EPHA5: variants seen among roughly 807,000 people sequenced by gnomAD.
EPHA5 encodes the protein ephrin type-A receptor 5.
EPHA5 carries 60 observed loss-of-function variants against 105.0 expected under a neutral mutation model. That is an observed-to-expected ratio of 0.57 (90% CI 0.46 to 0.71). EPHA5 has a LOEUF of 0.71. EPHA5 is among the 30% of genes least tolerant of loss of function. EPHA5 has a pLI of 0.00. For synonymous variants in EPHA5, 513 were observed against 449.1 expected (o/e 1.14, Z -1.80); for missense variants, 1,218 against 1,274.7 (o/e 0.96, Z 0.68).
At chr4:65,499,209 T>G (rs1732246612) in intron 3 of EPHA5, among the ~76,000 whole-genome samples, 1 of 151,618 alleles carries the variant, frequency 6.6e-6, no homozygotes, top group African/African-American at 2.4e-5. Flanking sequence ...TATGTCATGG[T>G]ACCCATCTTC....
intron 7 of EPHA5, among the ~76,000 whole-genome samples, chr4:65,408,464 TA>T (rs1233057718): frequency 6.6e-6 from 1 of 152,086 alleles, no homozygotes; most frequent in African/African-American, 2.4e-5. Context: ...TCATCAATTA[TA>T]AAAATTAACA....
intron 5 of EPHA5, among the ~76,000 whole-genome samples, chr4:65,465,390 C>G (rs58848338): frequency 6.7e-6 from 1 of 148,710 alleles, no homozygotes; most frequent in Admixed American, 6.7e-5. Flanking sequence ...CGTGCCATTG[C>G]ACTCCAGCCT....
intron 1 of EPHA5, among the ~76,000 whole-genome samples, chr4:65,649,585 A>C (rs998655545): frequency 7.2e-5 from 11 of 152,166 alleles, no homozygotes; most frequent in Non-Finnish European, 1.3e-4. Context: ...CCATCCAGTA[A>C]ATGTCCTATC....
At chr4:65,527,091 T>C (rs763348268) in intron 3 of EPHA5, among the ~76,000 whole-genome samples, 2 of 152,046 alleles carry the variant, frequency 1.3e-5, no homozygotes, top group Non-Finnish European at 2.9e-5. Context: ...TTGTATATAG[T>C]GCTTAGGACA....
intron 7 of EPHA5, among the ~76,000 whole-genome samples, chr4:65,408,575 A>T (rs1722599186): frequency 6.6e-6 from 1 of 152,158 alleles, no homozygotes; most frequent in African/African-American, 2.4e-5. Flanking sequence ...TGCAGCCAAA[A>T]AACACATGAA....
At chr4:65,657,825 C>T (rs988676931) in intron 1 of EPHA5, among the ~76,000 whole-genome samples, 5 of 146,516 alleles carry the variant, frequency 3.4e-5, no homozygotes, top group African/African-American at 1.0e-4. Flanking sequence ...TATGGAATAG[C>T]GAGCACTGGA....
intron 6 of EPHA5, among the ~76,000 whole-genome samples, chr4:65,419,668 G>T (rs916984692): frequency 6.6e-6 from 1 of 152,116 alleles, no homozygotes; most frequent in African/African-American, 2.4e-5. Context: ...AATCACAGAT[G>T]AATGGGGCGG....
Position 65,566,790 on chromosome 4 carries a change from C to T in EPHA5, c.910+34851G>A, listed in dbSNP as rs76264304. On this transcript the variant is annotated intron_variant, in intron 3 of 16. Transcript: ENST00000613740. ...TGCTAATTATTACATTTTTTTCTCC[C>T]CCAAACTGTAACATCACTAAAGGTC... Among the ~76,000 whole-genome samples the T allele has an allele frequency of 8.2e-3, 1,247 of 151,768 alleles. 16 individuals are homozygous for T. The highest frequency in any genetic ancestry group is 0.029 in the African/African-American group (1,192 of 41,486).
At chr4:65,401,290 C>A (rs925105788) in intron 8 of EPHA5, among the ~76,000 whole-genome samples, 5 of 151,982 alleles carry the variant, frequency 3.3e-5, no homozygotes, top group Non-Finnish European at 5.9e-5. Context: ...AATCTAGGTA[C>A]TGCAGGGTGA....
At position 65,486,801 on chromosome 4, in the gene EPHA5, A is replaced by G. The variant is rs116436617; in HGVS notation, c.1402+3576T>C. Among the ~76,000 whole-genome samples, 278 of 152,366 alleles carry G rather than the reference A, an allele frequency of 1.8e-3. 3 individuals are homozygous for G. The highest frequency in any genetic ancestry group is 6.4e-3 in the African/African-American group (265 of 41,588). On this transcript the variant is annotated intron_variant, in intron 5 of 16. Transcript: ENST00000613740. ...TGAAACCACCTTTGCAGAGATTATA[A>G]CAGTGATATGGCTTGGGCCTGTGTC...
intron 3 of EPHA5, among the ~76,000 whole-genome samples, chr4:65,562,599 G>T (rs1190645729): frequency 6.6e-6 from 1 of 151,970 alleles, no homozygotes; most frequent in Non-Finnish European, 1.5e-5. Flanking sequence ...GAAGACATAT[G>T]GTTCATTATG....
At chr4:65,409,381 T>C (rs564904458) in intron 7 of EPHA5, among the ~76,000 whole-genome samples, 20 of 103,684 alleles carry the variant, frequency 1.9e-4, no homozygotes, top group African/African-American at 6.5e-4. Context: ...AAAAGAGCTT[T>C]GTAAGCCGGA....
At chr4:65,585,002 C>A (rs1741977904) in intron 3 of EPHA5, among the ~76,000 whole-genome samples, 1 of 151,462 alleles carries the variant, frequency 6.6e-6, no homozygotes, top group Non-Finnish European at 1.5e-5. Flanking sequence ...GCAGAGAGAC[C>A]CTGGAAGATA....
chr4:65,325,790 A>G (rs2148781959), intron 16 of EPHA5, among the ~76,000 whole-genome samples: 1 of 151,260 alleles, frequency 6.6e-6, no homozygotes, highest in East Asian at 2.0e-4. Context: ...TGAACCTGTT[A>G]ACATTATAGG....
intron 3 of EPHA5, among the ~76,000 whole-genome samples, chr4:65,520,581 T>C (rs1268211388): frequency 6.6e-6 from 1 of 151,778 alleles, no homozygotes; most frequent in Non-Finnish European, 1.5e-5. Flanking sequence ...ACCATCAGAG[T>C]GAACAGGCAA....
chr4:65,361,731 AAGAC>A (rs1336076297), intron 11 of EPHA5, among the ~76,000 whole-genome samples: 28 of 151,840 alleles, frequency 1.8e-4, no homozygotes, highest in African/African-American at 6.7e-4. Context: ...AATAAAGAGA[AAGAC>A]AGAGATTCTT....
chr4:65,380,137 T>C (rs1293874244), intron 8 of EPHA5, among the ~76,000 whole-genome samples: 1 of 151,830 alleles, frequency 6.6e-6, no homozygotes, highest in Non-Finnish European at 1.5e-5. Context: ...TGAGCTCTGA[T>C]TCAACACAGT....
Position 65,517,253 on chromosome 4 carries a change from A to G in EPHA5, c.911-21710T>C, listed in dbSNP as rs144541674. On this transcript the variant is annotated intron_variant, in intron 3 of 16. Coordinates refer to ENST00000613740, the MANE Select transcript of EPHA5 (RefSeq NM_001281766.3). Reference sequence around the variant, plus strand: ...ACTGATACTCCTTGTTCTGTAATCTATCTTTATCCAATATTAATAACTGCC... The same window carrying G: ...ACTGATACTCCTTGTTCTGTAATCTGTCTTTATCCAATATTAATAACTGCC... Among the ~76,000 whole-genome samples the G allele has an allele frequency of 1.7e-3, 265 of 151,956 alleles. 1 individual carries two copies. Among genetic ancestry groups the G allele is most frequent in the African/African-American group, 6.0e-3 (251 of 41,500 alleles).
At chr4:65,513,418 G>A (rs995448652) in intron 3 of EPHA5, among the ~76,000 whole-genome samples, 3 of 151,914 alleles carry the variant, frequency 2.0e-5, no homozygotes, top group South Asian at 2.1e-4. Flanking sequence ...TTGGAGTCTC[G>A]CTCTGTCGCC....
Sources: gnomAD v4.1 joint callset for allele counts (sites outside exome capture counted in the v4.1 genomes callset) on GRCh38, gnomAD v4.1.1 for gene constraint, MANE v1.5 for transcripts, NCBI Gene and HGNC (gene_info 2026-07-23, HGNC 2026-07-21) for gene names.